Variants in DNAH6 observed in about 807,000 individuals in gnomAD.
DNAH6 encodes dynein axonemal heavy chain 6.
Under a neutral mutation model 491.4 loss-of-function variants are expected in DNAH6, and 340 were observed. That is an observed-to-expected ratio of 0.69 (90% confidence interval 0.63 to 0.76). The LOEUF (loss-of-function observed/expected upper bound fraction) is 0.76. Among genes scored for constraint, DNAH6 ranks in the 30% least tolerant of loss-of-function variants. The pLI, the probability that DNAH6 is intolerant of heterozygous loss-of-function variation, is 0.00. For missense variants in DNAH6, 4,443 were observed against 4,972.2 expected (o/e 0.89, Z 3.20); for synonymous variants, 1,603 against 1,686.1 (o/e 0.95, Z 1.21).
intron 76 of DNAH6, among the ~76,000 whole-genome samples, chr2:84,818,207 A>G (rs1374623561): frequency 6.6e-6 from 1 of 152,188 alleles, no homozygotes; most frequent in East Asian, 1.9e-4. Context: ...ATATCCCAAA[A>G]AAGAAAGACA....
At chr2:84,493,892 T>A in the DNAH6 span, among the ~76,000 whole-genome samples, 1 of 152,134 alleles carries the variant, frequency 6.6e-6, no homozygotes, top group African/African-American at 2.4e-5. Flanking sequence ...TTTGTTCAGT[T>A]TGAAGAGACT....
intron 17 of DNAH6, among the ~76,000 whole-genome samples, chr2:84,594,337 C>T (rs78261162): frequency 0.23 from 4,336 of 19,158 alleles, 223 homozygotes; most frequent in African/African-American, 0.42. Context: ...TGCTGTATGA[C>T]GTTTAATCAC....
At position 84,593,922 on chromosome 2, in the gene DNAH6, C is replaced by A; in HGVS notation, c.2611-50C>A. ...TACTAATAGGAGAATAGCATATGCT[C>A]ATTATATCTGAAAACTAAATTACGC... On this transcript the variant is annotated intron_variant, in intron 16 of 76. Coordinates refer to ENST00000389394, the MANE Select transcript of DNAH6 (RefSeq NM_001370.2). 3 of 1,090,716 alleles carry A rather than the reference C, an allele frequency of 2.8e-6. No individual in the cohort carries two copies. In the South Asian group the frequency reaches 4.3e-5, roughly 16 times the overall value. 67.6% of individuals were successfully genotyped at this position (1,090,716 alleles called of 1,614,324 possible).
At chr2:84,532,138 C>G (rs1395967874) in intron 4 of DNAH6, among the ~76,000 whole-genome samples, 2 of 152,100 alleles carry the variant, frequency 1.3e-5, no homozygotes, top group Non-Finnish European at 2.9e-5. Context: ...TATTTACCAG[C>G]ACAATATAAA....
intron 64 of DNAH6, among the ~76,000 whole-genome samples, chr2:84,779,518 G>A (rs1676470192): frequency 6.6e-6 from 1 of 152,088 alleles, no homozygotes; most frequent in East Asian, 1.9e-4. Context: ...TTTACTTTGA[G>A]CCTATTGGTT....
chr2:84,622,195 A>T (rs188262419), intron 26 of DNAH6, among the ~76,000 whole-genome samples: 56 of 152,316 alleles, frequency 3.7e-4, no homozygotes, highest in Admixed American at 1.1e-3. Flanking sequence ...ATGCAGGATT[A>T]TCCTTCTATG....
At chr2:84,628,168 A>G (rs1429955292) in intron 29 of DNAH6, among the ~76,000 whole-genome samples, 2 of 152,216 alleles carry the variant, frequency 1.3e-5, no homozygotes, top group Non-Finnish European at 2.9e-5. Context: ...AGTCTGATTC[A>G]TACAGGCATG....
the DNAH6 span, among the ~76,000 whole-genome samples, chr2:84,498,590 G>T: frequency 1.3e-5 from 2 of 152,092 alleles, no homozygotes; most frequent in African/African-American, 4.8e-5. Context: ...CAAGCCAAAG[G>T]CCTCCTGCTT....
At chr2:84,749,279 T>C (rs1673244758) in intron 63 of DNAH6, among the ~76,000 whole-genome samples, 1 of 151,544 alleles carries the variant, frequency 6.6e-6, no homozygotes, top group South Asian at 2.1e-4. Context: ...CCATTGAGAG[T>C]GTTGGTAAGA....
chr2:84,734,671 C>T (rs1699397058), intron 62 of DNAH6, among the ~76,000 whole-genome samples: 2 of 152,034 alleles, frequency 1.3e-5, no homozygotes, highest in African/African-American at 4.8e-5. Context: ...TACTAATGTT[C>T]TTATACTGGA....
chr2:84,710,245 A>T (rs750308214), intron 55 of DNAH6, 42 bp from the exon 56 acceptor site: 35 of 1,528,114 alleles, frequency 2.3e-5, no homozygotes, highest in Non-Finnish European at 3.1e-5. Context: ...GCCATTTATT[A>T]TGCTCTGAAG....
chr2:84,469,904 G>T, the DNAH6 span, among the ~76,000 whole-genome samples: 1 of 151,864 alleles, frequency 6.6e-6, no homozygotes, highest in Non-Finnish European at 1.5e-5. The surrounding 1 kb of genome is among the most constrained non-coding windows in gnomAD (Gnocchi z 4.0). Context: ...TCTTAGAAAG[G>T]ACTCTAACCC....
chr2:84,734,454 G>T (rs970627388), intron 62 of DNAH6, among the ~76,000 whole-genome samples: 5 of 152,070 alleles, frequency 3.3e-5, no homozygotes, highest in Non-Finnish European at 1.5e-5. Flanking sequence ...GGATTTAGGG[G>T]ACCATCTTTT....
intron 63 of DNAH6, among the ~76,000 whole-genome samples, chr2:84,746,950 G>A (rs1673027905): frequency 6.6e-6 from 1 of 152,106 alleles, no homozygotes; most frequent in African/African-American, 2.4e-5. Flanking sequence ...TCTCTTATGT[G>A]AGCTACTAGA....
rs766023955 is a variant in DNAH6 at position 84,796,368 on chromosome 2, T to A, written c.11302T>A (p.Leu3768Met). The A allele has an allele frequency of 4.1e-5, 62 of 1,524,754 alleles. No homozygotes were observed. The highest frequency in any genetic ancestry group is 5.3e-5 in the Non-Finnish European group (60 of 1,129,638). The allele number at this position is 1,524,754 out of a possible 1,614,324, so 94.5% of individuals were successfully genotyped here. ...SWDQRCLRTI[L>M]KRFFSPETLE... is the part of the protein sequence containing the mutation. ...GGACCAAAGATGCCTTCGTACTATC[T>A]TGAAAAGATTTTTTTCTCCTGAAAC... Residue 3768 changes from leucine to methionine, a missense_variant, in exon 69 of 77, where the codon TTG becomes ATG. By Grantham distance (15) the Leu-to-Met change is conservative. Coordinates refer to ENST00000389394, the MANE Select transcript of DNAH6 (RefSeq NM_001370.2).
At chr2:84,459,655 G>A in the DNAH6 span, 4 of 205,636 alleles carry the variant, frequency 1.9e-5, no homozygotes, top group Admixed American at 5.7e-5. Flanking sequence ...AAGACTAGGA[G>A]GGAAGAAACA....
intron 22 of DNAH6, among the ~76,000 whole-genome samples, chr2:84,615,145 T>A (rs1046033701): frequency 6.6e-6 from 1 of 152,158 alleles, no homozygotes; most frequent in African/African-American, 2.4e-5. Context: ...TTTCCAATAT[T>A]ATCTTCCAGA....
chr2:84,764,352 AC>A (rs1261725326), intron 64 of DNAH6, among the ~76,000 whole-genome samples: 1 of 152,194 alleles, frequency 6.6e-6, no homozygotes, highest in Admixed American at 6.5e-5. Flanking sequence ...GAAAAGGAAA[AC>A]TAAATGCCCA....
At chr2:84,749,282 T>G (rs1291220114) in intron 63 of DNAH6, among the ~76,000 whole-genome samples, 1 of 152,064 alleles carries the variant, frequency 6.6e-6, no homozygotes, top group Non-Finnish European at 1.5e-5. Context: ...TTGAGAGTGT[T>G]GGTAAGAGTA....
Sources: allele counts gnomAD v4.1 joint callset (sites outside exome capture counted in the v4.1 genomes callset), GRCh38; gene constraint gnomAD v4.1.1; non-coding constraint Gnocchi (gnomAD v3.1); transcripts MANE v1.5; gene names NCBI Gene and HGNC (gene_info 2026-07-23, HGNC 2026-07-21).